FIGN: variants seen among roughly 807,000 people sequenced by gnomAD.
FIGN encodes the protein fidgetin, microtubule severing factor.
Under a neutral mutation model 51.3 loss-of-function variants are expected in FIGN, and 11 were observed. The observed-to-expected ratio is 0.21, with a 90% confidence interval of 0.13 to 0.35. The LOEUF is 0.35. FIGN is among the 10% of genes least tolerant of loss of function. FIGN has a pLI of 1.00. For missense variants in FIGN, 857 were observed against 943.6 expected (o/e 0.91, Z 1.20); for synonymous variants, 407 against 363.2 (o/e 1.12, Z -1.37).
chr2:163,661,827 T>G (rs1395518498), intron 2 of FIGN, among the ~76,000 whole-genome samples: 1 of 152,188 alleles, frequency 6.6e-6, no homozygotes, highest in Non-Finnish European at 1.5e-5. Context: ...ATGTAAGAAG[T>G]GCCTTTCGCC....
intron 2 of FIGN, among the ~76,000 whole-genome samples, chr2:163,645,378 A>T (rs148585557): frequency 6.2e-4 from 95 of 152,104 alleles, no homozygotes; most frequent in African/African-American, 2.1e-3. Flanking sequence ...TGGGGGAAAA[A>T]CCTCTATTTG....
At chr2:163,722,032 T>G (rs17808724) in intron 2 of FIGN, among the ~76,000 whole-genome samples, 1 of 152,176 alleles carries the variant, frequency 6.6e-6, no homozygotes. Flanking sequence ...TATTGTAACA[T>G]TCACGGCAGA....
At chr2:163,645,278 G>A (rs770284411) in intron 2 of FIGN, among the ~76,000 whole-genome samples, 9 of 152,190 alleles carry the variant, frequency 5.9e-5, no homozygotes, top group Admixed American at 1.3e-4. Context: ...TCATGAAAGC[G>A]GAATGTAATA....
intron 2 of FIGN, among the ~76,000 whole-genome samples, chr2:163,624,205 T>C (rs1346716797): frequency 6.6e-6 from 1 of 152,144 alleles, no homozygotes. Context: ...TCTTTTATTT[T>C]TTCCCACCCA....
chr2:163,720,220 T>G (rs998107492), intron 2 of FIGN, among the ~76,000 whole-genome samples: 3 of 152,204 alleles, frequency 2.0e-5, no homozygotes, highest in African/African-American at 7.2e-5. Flanking sequence ...GAGAAACATT[T>G]GTAGGCTTGG....
At chr2:163,612,587 G>T (rs887166499) in intron 2 of FIGN, 82 of 927,694 alleles carry the variant, frequency 8.8e-5, no homozygotes, top group Non-Finnish European at 9.9e-5. Flanking sequence ...TTGAGTCTCT[G>T]AAAAAAAAAA....
intron 2 of FIGN, among the ~76,000 whole-genome samples, chr2:163,663,470 G>A (rs932701221): frequency 8.6e-5 from 13 of 151,402 alleles, no homozygotes; most frequent in Non-Finnish European, 1.5e-4. Flanking sequence ...AAGTAGCTAG[G>A]AATACAGGTG....
intron 2 of FIGN, among the ~76,000 whole-genome samples, chr2:163,710,707 T>C (rs1446681952): frequency 1.3e-5 from 2 of 152,170 alleles, no homozygotes; most frequent in African/African-American, 2.4e-5. Context: ...CTTTAACTTA[T>C]GACACAATAG....
intron 2 of FIGN, among the ~76,000 whole-genome samples, chr2:163,668,091 T>C (rs944651055): frequency 4.8e-5 from 7 of 145,646 alleles, no homozygotes; most frequent in African/African-American, 1.8e-4. Flanking sequence ...CCTGGATACT[T>C]AAATTGGTAT....
At chr2:163,627,253 T>C (rs758745369) in intron 2 of FIGN, among the ~76,000 whole-genome samples, 4 of 152,128 alleles carry the variant, frequency 2.6e-5, no homozygotes, top group Non-Finnish European at 5.9e-5. Flanking sequence ...AACCCCTTTC[T>C]AGTAACACCT....
At chr2:163,702,792 C>T (rs1221967944) in intron 2 of FIGN, among the ~76,000 whole-genome samples, 1 of 152,104 alleles carries the variant, frequency 6.6e-6, no homozygotes, top group East Asian at 1.9e-4. Flanking sequence ...GTTCTTTCCA[C>T]CCCGAATAGT....
At chr2:163,641,568 T>C (rs1451505327) in intron 2 of FIGN, among the ~76,000 whole-genome samples, 1 of 152,242 alleles carries the variant, frequency 6.6e-6, no homozygotes, top group Non-Finnish European at 1.5e-5. Context: ...CCACTTTGAC[T>C]GCCTTACACC....
At chr2:163,722,863 C>T (rs1684779853) in intron 2 of FIGN, among the ~76,000 whole-genome samples, 1 of 151,766 alleles carries the variant, frequency 6.6e-6, no homozygotes, top group Non-Finnish European at 1.5e-5. Flanking sequence ...ATTTAAAAAT[C>T]ATCTTTTAAT....
rs182737096 is a variant in FIGN at position 163,610,300 on chromosome 2, G to A, written c.1532C>T (p.Ala511Val). The A allele has an allele frequency of 5.6e-5, 91 of 1,614,108 alleles. No homozygotes were observed. The East Asian group carries it at 1.7e-3, about 31-fold the overall frequency. The change falls in exon 3 of 3, where the codon GCG (alanine) becomes GTG (valine). Residue 511 changes from alanine to valine, a missense_variant. Coordinates refer to ENST00000333129, the MANE Select transcript of FIGN (RefSeq NM_018086.4). ...EVLWPVLRSD[A>V]FSGLTALPRS... ...AGGTAAGGCCGTCAGTCCACTGAAC[G>A]CGTCTGACCTCAACACTGGCCATAA...
At chr2:163,682,873 A>G (rs559964122) in intron 2 of FIGN, among the ~76,000 whole-genome samples, 1 of 152,202 alleles carries the variant, frequency 6.6e-6, no homozygotes, top group Non-Finnish European at 1.5e-5. Flanking sequence ...CATTTTAGCT[A>G]TATGACTTTG....
intron 2 of FIGN, among the ~76,000 whole-genome samples, chr2:163,694,910 C>T (rs961924667): frequency 1.3e-5 from 2 of 152,130 alleles, no homozygotes; most frequent in African/African-American, 4.8e-5. Flanking sequence ...GCCTCGGCCA[C>T]CTGAGTAGCT....
At chr2:163,633,642 T>A (rs144544575) in intron 2 of FIGN, among the ~76,000 whole-genome samples, 2 of 152,210 alleles carry the variant, frequency 1.3e-5, no homozygotes, top group Non-Finnish European at 2.9e-5. Flanking sequence ...CTAGATTTGG[T>A]ATTGTACTGA....
chr2:163,646,250 C>CT lies in FIGN; in HGVS notation c.26-34445dup, dbSNP rs531973419. Among the ~76,000 whole-genome samples, 1,066 of 150,908 alleles carry CT rather than the reference C, an allele frequency of 7.1e-3. 4 individuals carry two copies. The highest frequency in any genetic ancestry group is 0.01 in the Non-Finnish European group (684 of 67,652). On this transcript the variant is annotated intron_variant, in intron 2 of 2. Transcript: ENST00000333129. ...GAAATGCCTTTGTTCTATTGCATCC[C>CT]TTTTTTTTTGTTAACTAAAAGTAAA...
chr2:163,729,941 T>C (rs1195002866), intron 2 of FIGN, among the ~76,000 whole-genome samples: 1 of 152,182 alleles, frequency 6.6e-6, no homozygotes, highest in Non-Finnish European at 1.5e-5. Context: ...AATATGTAAA[T>C]ATTATTAACA....
Sources: allele counts gnomAD v4.1 joint callset (sites outside exome capture counted in the v4.1 genomes callset), GRCh38; gene constraint gnomAD v4.1.1; transcripts MANE v1.5; gene names NCBI Gene and HGNC (gene_info 2026-07-23, HGNC 2026-07-21).